GRID2: variants seen among roughly 807,000 people sequenced by gnomAD.
GRID2 encodes glutamate receptor ionotropic, delta-2.
GRID2 carries 33 observed loss-of-function variants against 114.8 expected under a neutral mutation model. That is an observed-to-expected ratio of 0.29 (90% confidence interval 0.22 to 0.38). The LOEUF (loss-of-function observed/expected upper bound fraction) is 0.38. Among genes scored for constraint, GRID2 ranks in the 10% least tolerant of loss-of-function variants. The pLI is 1.00. For missense variants in GRID2, 1,184 were observed against 1,257.7 expected, an observed-to-expected ratio of 0.94 and a Z score of 0.89; for synonymous variants, 505 against 449.9, an observed-to-expected ratio of 1.12 and a Z score of -1.55.
At chr4:93,315,916 A>G (rs1560489571) in intron 8 of GRID2, among the ~76,000 whole-genome samples, 1 of 152,168 alleles carries the variant, frequency 6.6e-6, no homozygotes, top group Non-Finnish European at 1.5e-5. Context: ...CATACCCACT[A>G]GTAACTACTT....
intron 2 of GRID2, among the ~76,000 whole-genome samples, chr4:92,796,378 C>T (rs1027150372): frequency 3.3e-5 from 5 of 151,796 alleles, no homozygotes; most frequent in African/African-American, 1.2e-4. Context: ...TCAATGGAAC[C>T]AGTATAGAAA....
intron 2 of GRID2, among the ~76,000 whole-genome samples, chr4:92,707,234 G>T (rs1004227418): frequency 1.3e-5 from 2 of 152,088 alleles, no homozygotes; most frequent in Non-Finnish European, 2.9e-5. Context: ...TATATGGGAG[G>T]TCTGGCTTTT....
At chr4:93,733,856 A>G (rs1730698023) in intron 14 of GRID2, among the ~76,000 whole-genome samples, 1 of 152,114 alleles carries the variant, frequency 6.6e-6, no homozygotes, top group Non-Finnish European at 1.5e-5. Context: ...TCTATGTAGG[A>G]CAGACCTAAG....
At chr4:92,722,749 G>C (rs1015034250) in intron 2 of GRID2, among the ~76,000 whole-genome samples, 1 of 152,090 alleles carries the variant, frequency 6.6e-6, no homozygotes. Flanking sequence ...TGGGGTTAGA[G>C]AAGTGGGATG....
chr4:93,741,174 C>CATATATATATATACAT (rs1731346613), intron 14 of GRID2, among the ~76,000 whole-genome samples: 1 of 41,240 alleles, frequency 2.4e-5, no homozygotes, highest in Non-Finnish European at 4.1e-5. Context: ...TATATATATA[C>CATATATATATATACAT]ATATATATAT....
chr4:92,320,967 T>A (rs759266605), intron 1 of GRID2, among the ~76,000 whole-genome samples: 9 of 152,166 alleles, frequency 5.9e-5, no homozygotes, highest in Non-Finnish European at 1.2e-4. Flanking sequence ...TTGTCAAATA[T>A]AAAATAAAAA....
At chr4:93,138,963 A>G (rs1441754026) in intron 4 of GRID2, among the ~76,000 whole-genome samples, 1 of 152,188 alleles carries the variant, frequency 6.6e-6, no homozygotes, top group Non-Finnish European at 1.5e-5. Context: ...ATCTCCTGCT[A>G]TTCTTTCATT....
rs1161645853 is a variant in GRID2 at position 92,949,425 on chromosome 4, A to C, written c.245-135570A>C. 2.6e-5 allele frequency among the ~76,000 whole-genome samples: 4 copies of C among 152,022 alleles called. No individual in the cohort carries two copies. In the South Asian group the frequency reaches 6.2e-4, roughly 24 times the overall value. ...TGCTGCACCCAGTAACTCATCGTTTAACATTAGGCATATCTCCAAAATGGA... is the reference window on the plus strand; with the variant it reads ...TGCTGCACCCAGTAACTCATCGTTTCACATTAGGCATATCTCCAAAATGGA... On this transcript the variant is annotated intron_variant, in intron 2 of 15. Coordinates refer to ENST00000282020, the MANE Select transcript of GRID2 (RefSeq NM_001510.4).
chr4:92,656,070 T>C (rs1732217291), intron 2 of GRID2, among the ~76,000 whole-genome samples: 1 of 151,762 alleles, frequency 6.6e-6, no homozygotes, highest in Non-Finnish European at 1.5e-5. Flanking sequence ...ACATTTTATC[T>C]TGCAGAGTAG....
Position 93,229,844 on chromosome 4 carries a change from A to ATATAT in GRID2, c.1125+5070_1125+5074dup, listed in dbSNP as rs367612313. On this transcript the variant is annotated intron_variant, in intron 7 of 15. Coordinates refer to ENST00000282020, the MANE Select transcript of GRID2 (RefSeq NM_001510.4). ...TACTCTTGTGTACCTGAGCTTTATA[A>ATATAT]TATATGAATCGGTAGAATAAGTGCC... 9.0e-3 allele frequency among the ~76,000 whole-genome samples: 1,363 copies of ATATAT among 152,216 alleles called. 17 individuals are homozygous for ATATAT. The highest frequency in any genetic ancestry group is 0.031 in the African/African-American group (1,292 of 41,544).
chr4:92,709,589 A>AATATATATATATATATATATATATAT (rs1553919235), intron 2 of GRID2, among the ~76,000 whole-genome samples: 1 of 114,660 alleles, frequency 8.7e-6, no homozygotes, highest in African/African-American at 3.4e-5. Context: ...AAAAAAAAAA[A>AATATATATATATATATATATATATAT]ATATATATAT....
chr4:93,009,658 A>C (rs1276264918), intron 2 of GRID2, among the ~76,000 whole-genome samples: 4 of 151,996 alleles, frequency 2.6e-5, no homozygotes, highest in African/African-American at 7.2e-5. Flanking sequence ...GAATTCAGGA[A>C]TTTTTTATTG....
chr4:92,591,153 C>G (rs957040682), intron 2 of GRID2, among the ~76,000 whole-genome samples: 1 of 152,062 alleles, frequency 6.6e-6, no homozygotes, highest in African/African-American at 2.4e-5. Flanking sequence ...CATGAGGGCT[C>G]TGTCCTCATG....
rs574540768 is a variant in GRID2 at position 93,085,061 on chromosome 4, C to T, written c.311C>T (p.Ser104Phe). Residue 104 changes from serine to phenylalanine, a missense_variant, in exon 3 of 16, where the codon TCC (serine) becomes TTC (phenylalanine). Physicochemically the swap from Ser to Phe is radical, Grantham distance 155. Transcript: ENST00000282020. ...VSSIGCTSAG[S>F]LQSLADAMHI... ...TCCATTGGCTGCACGTCAGCAGGAT[C>T]CCTCCAGTCTTTGGCAGACGCCATG... 4 of 1,613,982 alleles carry T rather than the reference C, an allele frequency of 2.5e-6. No individual in the cohort carries two copies. In the African/African-American group the frequency reaches 5.3e-5, roughly 22 times the overall value.
chr4:93,371,054 A>G (rs1156615583), intron 8 of GRID2, among the ~76,000 whole-genome samples: 1 of 152,226 alleles, frequency 6.6e-6, no homozygotes, highest in African/African-American at 2.4e-5. Context: ...AGAAAGATGC[A>G]TTGAATCGTT....
chr4:92,643,991 T>C (rs1731489684), intron 2 of GRID2, among the ~76,000 whole-genome samples: 1 of 151,770 alleles, frequency 6.6e-6, no homozygotes, highest in Non-Finnish European at 1.5e-5. Flanking sequence ...GTCTTATGAA[T>C]GCTTTATTAA....
intron 8 of GRID2, among the ~76,000 whole-genome samples, chr4:93,311,494 C>A (rs1415485980): frequency 1.3e-5 from 2 of 152,032 alleles, no homozygotes; most frequent in East Asian, 1.9e-4. Context: ...CTTTGGAATT[C>A]TCAAGCAAAC....
At chr4:92,655,278 C>T (rs1295574113) in intron 2 of GRID2, among the ~76,000 whole-genome samples, 2 of 151,866 alleles carry the variant, frequency 1.3e-5, no homozygotes, top group Non-Finnish European at 2.9e-5. Flanking sequence ...GTTTTGGTTA[C>T]TATAGCCTTG....
At chr4:92,662,387 T>C (rs1340131284) in intron 2 of GRID2, among the ~76,000 whole-genome samples, 1 of 151,028 alleles carries the variant, frequency 6.6e-6, no homozygotes, top group African/African-American at 2.4e-5. Flanking sequence ...AATACTGAGC[T>C]ATGTTATCTT....
Sources: allele counts gnomAD v4.1 joint callset (sites outside exome capture counted in the v4.1 genomes callset), GRCh38; gene constraint gnomAD v4.1.1; transcripts MANE v1.5; gene names NCBI Gene and HGNC (gene_info 2026-07-23, HGNC 2026-07-21).